Variants in RORB observed in about 807,000 individuals in gnomAD.
RORB encodes the protein RAR related orphan receptor B.
In RORB, 6 loss-of-function variants were observed where a neutral mutation model predicts 59.1. The ratio of observed to expected loss-of-function variants is 0.10; its 90% CI spans 0.06 to 0.20. The LOEUF is 0.20. RORB is among the 10% of genes least tolerant of loss of function. RORB has a pLI of 1.00. For synonymous variants in RORB, 215 were observed against 204.5 expected, an observed-to-expected ratio of 1.05 and a Z score of -0.44; for missense variants, 320 against 560.5, an observed-to-expected ratio of 0.57 and a Z score of 4.33.
intron 1 of RORB, among the ~76,000 whole-genome samples, chr9:74,541,296 A>T (rs918077655): frequency 6.7e-6 from 1 of 150,092 alleles, no homozygotes; most frequent in Non-Finnish European, 1.5e-5. Flanking sequence ...AAAAAAAAAA[A>T]AAAAAAAAAA....
At chr9:74,632,487 A>G (rs927289935) in intron 2 of RORB, among the ~76,000 whole-genome samples, 2 of 152,176 alleles carry the variant, frequency 1.3e-5, no homozygotes, top group African/African-American at 4.8e-5. Flanking sequence ...AGTCAACATA[A>G]ACAACCCATT....
At chr9:74,556,227 A>G (rs1451361179) in intron 1 of RORB, among the ~76,000 whole-genome samples, 1 of 152,210 alleles carries the variant, frequency 6.6e-6, no homozygotes, top group Non-Finnish European at 1.5e-5. Context: ...CGGAAGCATT[A>G]TATGAATCCA....
At chr9:74,615,695 AG>A (rs1823301876) in intron 1 of RORB, 1 of 407,266 alleles carries the variant, frequency 2.5e-6, no homozygotes, top group Non-Finnish European at 5.0e-6. Flanking sequence ...ACCATCCTCC[AG>A]GCAAGGAAGT....
chr9:74,681,585 T>A (rs1824548107), intron 9 of RORB, among the ~76,000 whole-genome samples: 1 of 152,162 alleles, frequency 6.6e-6, no homozygotes, highest in African/African-American at 2.4e-5. Context: ...AGGAACTAGA[T>A]CCAAATCGCA....
intron 1 of RORB, among the ~76,000 whole-genome samples, chr9:74,619,313 G>A (rs1269082939): frequency 6.6e-6 from 1 of 152,046 alleles, no homozygotes; most frequent in Non-Finnish European, 1.5e-5. Context: ...CTTCTTCCAG[G>A]TTTATTTAGC....
chr9:74,576,561 A>C (rs1033461645), intron 1 of RORB, among the ~76,000 whole-genome samples: 16 of 152,090 alleles, frequency 1.1e-4, no homozygotes, highest in African/African-American at 3.9e-4. Flanking sequence ...ATTATAATGC[A>C]AACAATTTTT....
At chr9:74,680,235 T>C (rs1824525326) in intron 9 of RORB, among the ~76,000 whole-genome samples, 1 of 152,152 alleles carries the variant, frequency 6.6e-6, no homozygotes, top group Non-Finnish European at 1.5e-5. Context: ...AGGTTAAAAA[T>C]GCAGCCATCA....
At chr9:74,647,347 T>C (rs943048062) in intron 4 of RORB, among the ~76,000 whole-genome samples, 15 of 152,156 alleles carry the variant, frequency 9.9e-5, no homozygotes, top group Admixed American at 3.3e-4. Context: ...TAATGAAAGC[T>C]CATTTAAGCT....
intron 1 of RORB, among the ~76,000 whole-genome samples, chr9:74,531,961 A>G (rs1430034409): frequency 6.6e-6 from 1 of 151,918 alleles, no homozygotes; most frequent in Non-Finnish European, 1.5e-5. Flanking sequence ...ATCAGAATTA[A>G]TGCTACGTGA....
At chr9:74,554,972 C>CA (rs1001072776) in intron 1 of RORB, among the ~76,000 whole-genome samples, 2 of 151,524 alleles carry the variant, frequency 1.3e-5, no homozygotes, top group Non-Finnish European at 2.9e-5. Context: ...AAGAGGAGAG[C>CA]AAAAAAAAGA....
At chr9:74,651,959 A>G (rs1016389845) in intron 4 of RORB, among the ~76,000 whole-genome samples, 16 of 152,348 alleles carry the variant, frequency 1.1e-4, no homozygotes, top group African/African-American at 3.1e-4. Flanking sequence ...AATGCTTCTG[A>G]TCCAAAACAG....
chr9:74,514,824 T>C (rs1294830045), intron 1 of RORB, among the ~76,000 whole-genome samples: 4 of 151,602 alleles, frequency 2.6e-5, no homozygotes, highest in East Asian at 1.9e-4. Context: ...AGCTATAGTA[T>C]TGAATTATTT....
At chr9:74,520,569 A>AT (rs1045457826) in intron 1 of RORB, among the ~76,000 whole-genome samples, 46 of 151,268 alleles carry the variant, frequency 3.0e-4, no homozygotes, top group Admixed American at 5.9e-4. Context: ...TTCTTTTTTA[A>AT]TTTTTTTTTG....
At chr9:74,607,110 C>A (rs757269588) in intron 1 of RORB, among the ~76,000 whole-genome samples, 1 of 152,144 alleles carries the variant, frequency 6.6e-6, no homozygotes, top group Non-Finnish European at 1.5e-5. Context: ...GCTCATCCTG[C>A]GATGTTGCAT....
chr9:74,682,135 A>C (rs1307649838), intron 9 of RORB, among the ~76,000 whole-genome samples: 1 of 152,074 alleles, frequency 6.6e-6, no homozygotes, highest in African/African-American at 2.4e-5. Flanking sequence ...ACTGTGTGTC[A>C]AGCACCACTG....
intron 1 of RORB, among the ~76,000 whole-genome samples, chr9:74,551,715 T>C (rs1305475916): frequency 6.6e-6 from 1 of 152,232 alleles, no homozygotes; most frequent in East Asian, 1.9e-4. Flanking sequence ...TAACTTAATC[T>C]TAGGTTTTTT....
chr9:74,548,274 T>C (rs1826535025), intron 1 of RORB, among the ~76,000 whole-genome samples: 1 of 152,208 alleles, frequency 6.6e-6, no homozygotes, highest in African/African-American at 2.4e-5. Context: ...CTAGAAATTA[T>C]CTTTTTTTCA....
chr9:74,666,940 C>A (rs1465075646), intron 7 of RORB, among the ~76,000 whole-genome samples: 1 of 152,148 alleles, frequency 6.6e-6, no homozygotes, highest in Non-Finnish European at 1.5e-5. Context: ...CCATGGACAC[C>A]AAAGAAGGCC....
intron 7 of RORB, among the ~76,000 whole-genome samples, chr9:74,666,966 C>T (rs1031344955): frequency 6.6e-6 from 1 of 152,352 alleles, no homozygotes; most frequent in Non-Finnish European, 1.5e-5. Flanking sequence ...CCTTTCACCT[C>T]TTGTGCTGTT....
Sources: gnomAD v4.1 joint callset for allele counts (sites outside exome capture counted in the v4.1 genomes callset) on GRCh38, gnomAD v4.1.1 for gene constraint, MANE v1.5 for transcripts, NCBI Gene and HGNC (gene_info 2026-07-23, HGNC 2026-07-21) for gene names.